The following VEPH1 variants were observed in gnomAD, a reference collection of about 807,000 sequenced individuals.
The protein encoded by VEPH1 is ventricular zone-expressed PH domain-containing protein homolog 1.
A neutral mutation model predicts 85.2 loss-of-function variants in VEPH1; 80 were observed. The observed-to-expected ratio is 0.94, with a 90% confidence interval of 0.78 to 1.13. The LOEUF (loss-of-function observed/expected upper bound fraction) is 1.13, where lower values mean the gene tolerates loss of function less well. VEPH1 is among the 50% of genes most tolerant of loss of function. The pLI is 0.00. For synonymous variants in VEPH1, 297 were observed against 348.0 expected (o/e 0.85, Z 1.63); for missense variants, 955 against 980.5 (o/e 0.97, Z 0.35).
At chr3:157,487,202 A>G (rs1484914695) in intron 2 of VEPH1, among the ~76,000 whole-genome samples, 1 of 152,086 alleles carries the variant, frequency 6.6e-6, no homozygotes, top group Non-Finnish European at 1.5e-5. Context: ...AAATGATCCT[A>G]TACAGATGAT....
At chr3:157,381,499 A>T in intron 6 of VEPH1, 123 bp from the exon 7 acceptor site, 3 of 930,938 alleles carry the variant, frequency 3.2e-6, no homozygotes, top group Non-Finnish European at 4.9e-6. Flanking sequence ...GGAACTCCTG[A>T]TCGAGAACAG....
intron 4 of VEPH1, chr3:157,442,438 T>C: frequency 1.9e-6 from 3 of 1,614,208 alleles, no homozygotes; most frequent in Non-Finnish European, 2.5e-6. Context: ...GTGAGACCAA[T>C]GAGGCTTGAG....
intron 9 of VEPH1, among the ~76,000 whole-genome samples, chr3:157,329,328 C>T (rs1448630919): frequency 1.3e-5 from 2 of 152,178 alleles, no homozygotes; most frequent in African/African-American, 4.8e-5. Flanking sequence ...CCAGTGGGAA[C>T]CACCTGAACT....
At chr3:157,369,192 A>AAAAAACAAAAAAAAAAAAAAC (rs1727170811) in intron 7 of VEPH1, among the ~76,000 whole-genome samples, 1 of 142,782 alleles carries the variant, frequency 7.0e-6, no homozygotes, top group African/African-American at 2.5e-5. Context: ...AAAAAAAAAA[A>AAAAAACAAAAAAAAAAAAAAC]AAAAAAAAAA....
At chr3:157,377,261 T>C (rs963927534) in intron 7 of VEPH1, among the ~76,000 whole-genome samples, 52 of 151,920 alleles carry the variant, frequency 3.4e-4, no homozygotes, top group African/African-American at 1.2e-3. Context: ...TTTTCATCTC[T>C]TTACATTTCA....
At chr3:157,294,787 G>A (rs1717924546) in intron 11 of VEPH1, among the ~76,000 whole-genome samples, 1 of 152,098 alleles carries the variant, frequency 6.6e-6, no homozygotes, top group African/African-American at 2.4e-5. Flanking sequence ...TGGGACCTGG[G>A]CTAAAAAAAC....
intron 6 of VEPH1, among the ~76,000 whole-genome samples, chr3:157,389,464 G>T (rs1277895780): frequency 6.6e-6 from 1 of 152,142 alleles, no homozygotes; most frequent in African/African-American, 2.4e-5. Context: ...CCTCAGCTGG[G>T]GACAACTGAA....
At chr3:157,479,376 A>G (rs1318791523) in intron 2 of VEPH1, among the ~76,000 whole-genome samples, 1 of 152,152 alleles carries the variant, frequency 6.6e-6, no homozygotes, top group African/African-American at 2.4e-5. Context: ...AAAAGCCACA[A>G]ATTGTGCTGC....
At chr3:157,455,062 T>C (rs1373449061) in intron 4 of VEPH1, among the ~76,000 whole-genome samples, 2 of 152,290 alleles carry the variant, frequency 1.3e-5, no homozygotes, top group Middle Eastern at 3.4e-3. Flanking sequence ...TATGAGTACA[T>C]GTGTCTTTTT....
intron 10 of VEPH1, chr3:157,315,799 T>G (rs1559951501): frequency 1.4e-5 from 2 of 142,914 alleles, no homozygotes; most frequent in South Asian, 4.3e-4. Context: ...AGATTTCTTG[T>G]TTTTTTTTCA....
intron 7 of VEPH1, among the ~76,000 whole-genome samples, chr3:157,375,204 G>A (rs1727950984): frequency 1.3e-5 from 2 of 152,234 alleles, no homozygotes; most frequent in Non-Finnish European, 2.9e-5. Flanking sequence ...GTAAGAGCTG[G>A]TTTAAAGCTT....
chr3:157,354,712 C>T (rs758530443), intron 9 of VEPH1, among the ~76,000 whole-genome samples: 4 of 152,074 alleles, frequency 2.6e-5, no homozygotes, highest in Admixed American at 1.3e-4. Flanking sequence ...CCATATCATC[C>T]CACAGAATAA....
At chr3:157,367,252 T>C (rs1726812658) in intron 7 of VEPH1, among the ~76,000 whole-genome samples, 1 of 152,202 alleles carries the variant, frequency 6.6e-6, no homozygotes, top group African/African-American at 2.4e-5. Flanking sequence ...TTGAAAATGT[T>C]TTTCTTTCTG....
intron 11 of VEPH1, among the ~76,000 whole-genome samples, chr3:157,309,592 A>C (rs1457795873): frequency 6.6e-6 from 1 of 152,104 alleles, no homozygotes; most frequent in Non-Finnish European, 1.5e-5. Flanking sequence ...TTAAGTGATA[A>C]TTTTTAAAAA....
chr3:157,349,859 T>C (rs1724667498), intron 9 of VEPH1, among the ~76,000 whole-genome samples: 1 of 152,070 alleles, frequency 6.6e-6, no homozygotes, highest in Non-Finnish European at 1.5e-5. Flanking sequence ...AAAACACTGA[T>C]GAAAGAAATT....
intron 4 of VEPH1, among the ~76,000 whole-genome samples, chr3:157,433,634 C>T (rs537393440): frequency 2.6e-4 from 39 of 152,286 alleles, no homozygotes; most frequent in Admixed American, 2.6e-3. Context: ...TTGGCTAATA[C>T]TTTATTTAGA....
intron 4 of VEPH1, among the ~76,000 whole-genome samples, chr3:157,441,138 C>T (rs946972376): frequency 1.3e-5 from 2 of 152,126 alleles, no homozygotes; most frequent in Non-Finnish European, 1.5e-5. Context: ...AGTAGTAACA[C>T]CATCTGGATT....
In VEPH1 at chr3:157,278,696, A is replaced by G. The variant is rs377139223; in HGVS notation, c.2128+7861T>C. ...GCACTAGTGCTGTGGAGAGAAATGG[A>G]CAGATTTGAGAGCAATTGAGAAAGT... On this transcript the variant is annotated intron_variant, in intron 12 of 13. Coordinates refer to ENST00000362010, the MANE Select transcript of VEPH1 (RefSeq NM_001167912.2). Among the ~76,000 whole-genome samples the G allele has an allele frequency of 4.6e-5, 7 of 152,292 alleles. No individual in the cohort carries two copies. In the East Asian group the frequency reaches 1.3e-3, roughly 29 times the overall value.
intron 9 of VEPH1, among the ~76,000 whole-genome samples, chr3:157,359,179 T>G (rs80041515): frequency 2.8e-3 from 421 of 152,364 alleles, no homozygotes; most frequent in African/African-American, 9.7e-3. Context: ...TCTTGTAAGC[T>G]TTTATATTAT....
Sources: gnomAD v4.1 joint callset for allele counts (sites outside exome capture counted in the v4.1 genomes callset) on GRCh38, gnomAD v4.1.1 for gene constraint, MANE v1.5 for transcripts, NCBI Gene and HGNC (gene_info 2026-07-23, HGNC 2026-07-21) for gene names.